The following VRK1 variants were observed in gnomAD, a reference collection of about 807,000 sequenced individuals.
VRK1 encodes the protein serine/threonine-protein kinase VRK1.
VRK1 carries 33 observed loss-of-function variants against 57.1 expected under a neutral mutation model. The observed-to-expected ratio is 0.58, with a 90% confidence interval of 0.44 to 0.77. VRK1 has a LOEUF of 0.77. Among genes scored for constraint, VRK1 ranks in the 30% least tolerant of loss-of-function variants. The pLI is 0.00. For synonymous variants in VRK1, 137 were observed against 147.8 expected (o/e 0.93, Z 0.53); for missense variants, 413 against 477.3 (o/e 0.87, Z 1.25).
At chr14:96,847,391 C>A in intron 5 of VRK1, 47 bp downstream of exon 5, 3 of 1,493,892 alleles carry the variant, frequency 2.0e-6, no homozygotes, top group Non-Finnish European at 2.8e-6. Context: ...TTGCAACATT[C>A]ACTATTTAGT....
intron 11 of VRK1, 21 bp from the exon 12 acceptor site, chr14:96,876,009 C>G (rs1377339466): frequency 2.5e-6 from 4 of 1,610,006 alleles, no homozygotes; most frequent in Non-Finnish European, 3.4e-6. Flanking sequence ...CTCTCTCTCT[C>G]TCTTTAATTT....
At chr14:96,861,874 A>G (rs1222091851) in intron 11 of VRK1, among the ~76,000 whole-genome samples, 1 of 151,822 alleles carries the variant, frequency 6.6e-6, no homozygotes. Context: ...CCTGAGTGGA[A>G]TTTTTTAGTA....
intron 1 of VRK1, among the ~76,000 whole-genome samples, chr14:96,831,280 G>C (rs1013367036): frequency 1.3e-5 from 2 of 152,158 alleles, no homozygotes; most frequent in Non-Finnish European, 2.9e-5. Context: ...CCTCCGTTTG[G>C]TTGGAGAGGT....
intron 11 of VRK1, among the ~76,000 whole-genome samples, chr14:96,861,339 G>A (rs1888382290): frequency 6.6e-6 from 1 of 152,108 alleles, no homozygotes; most frequent in African/African-American, 2.4e-5. Flanking sequence ...TTACAGGTAT[G>A]CATTAACTTA....
chr14:96,823,772 T>G (rs1319665373), intron 1 of VRK1, among the ~76,000 whole-genome samples: 2 of 152,220 alleles, frequency 1.3e-5, no homozygotes, highest in Admixed American at 1.3e-4. Context: ...AACAACTCTC[T>G]TTTCTCCCTC....
intron 11 of VRK1, among the ~76,000 whole-genome samples, chr14:96,870,802 C>G (rs1566718833): frequency 6.6e-6 from 1 of 152,170 alleles, no homozygotes. Context: ...TGTTTCACAG[C>G]TAATCTGCTT....
Position 96,850,609 on chromosome 14 carries a change from A to G in VRK1, c.375-2222A>G, listed in dbSNP as rs112007481. ...GATTTGTGAATAAAAACAAAGACCT[A>G]TGTAACAGAATTTATTAATAGACCC... On this transcript the variant is annotated intron_variant, in intron 5 of 12. Coordinates refer to ENST00000216639, the MANE Select transcript of VRK1 (RefSeq NM_003384.3). 4.3e-3 allele frequency among the ~76,000 whole-genome samples: 656 copies of G among 152,304 alleles called. 3 individuals carry two copies. Among genetic ancestry groups the G allele is most frequent in the African/African-American group, 0.015 (608 of 41,566 alleles).
intron 1 of VRK1, among the ~76,000 whole-genome samples, chr14:96,807,310 C>G (rs1471187084): frequency 6.6e-6 from 1 of 152,202 alleles, no homozygotes; most frequent in Admixed American, 6.5e-5. Context: ...CAGGCTGAAT[C>G]CCTCTTCCAC....
intron 5 of VRK1, among the ~76,000 whole-genome samples, 163 bp downstream of exon 5, chr14:96,847,507 C>T (rs1887756689): frequency 1.3e-5 from 2 of 152,134 alleles, no homozygotes; most frequent in South Asian, 4.1e-4. Flanking sequence ...TATCTCTGTC[C>T]TCTGCTTTCC....
At chr14:96,815,055 A>G (rs1028177577) in intron 1 of VRK1, among the ~76,000 whole-genome samples, 1 of 152,222 alleles carries the variant, frequency 6.6e-6, no homozygotes, top group Non-Finnish European at 1.5e-5. Flanking sequence ...CTTTGTGAGC[A>G]AAAGGGAGTA....
At chr14:96,875,688 AT>A (rs1889000292) in intron 11 of VRK1, among the ~76,000 whole-genome samples, 2 of 152,202 alleles carry the variant, frequency 1.3e-5, no homozygotes, top group Non-Finnish European at 2.9e-5. Flanking sequence ...TTTGTAAAAC[AT>A]TTTGTTTTAA....
chr14:96,859,907 G>A (rs1414175300), intron 10 of VRK1, among the ~76,000 whole-genome samples: 1 of 152,180 alleles, frequency 6.6e-6, no homozygotes, highest in Non-Finnish European at 1.5e-5. Context: ...CAAGTCTGGA[G>A]GTCGGGGGAA....
intron 1 of VRK1, among the ~76,000 whole-genome samples, chr14:96,825,212 G>T (rs1438751426): frequency 6.6e-6 from 1 of 152,112 alleles, no homozygotes; most frequent in Non-Finnish European, 1.5e-5. Flanking sequence ...TGTAGGTGTG[G>T]CTCTTAGAAA....
At chr14:96,852,162 G>A (rs1887976037) in intron 5 of VRK1, among the ~76,000 whole-genome samples, 1 of 152,198 alleles carries the variant, frequency 6.6e-6, no homozygotes, top group Non-Finnish European at 1.5e-5. Context: ...GAAAGGGTGA[G>A]TCCCTGCTCT....
chr14:96,813,224 T>A (rs1172542633), intron 1 of VRK1, among the ~76,000 whole-genome samples: 1 of 152,230 alleles, frequency 6.6e-6, no homozygotes, highest in Non-Finnish European at 1.5e-5. Flanking sequence ...AGTCCAGTGC[T>A]CTTAACACTG....
In VRK1 at chr14:96,849,443, C is replaced by T. The variant is rs562344068; in HGVS notation, c.374+2099C>T. Among the ~76,000 whole-genome samples the T allele has an allele frequency of 1.5e-4, 22 of 149,582 alleles. No homozygotes were observed. In the South Asian group the frequency reaches 3.6e-3, roughly 24 times the overall value. ...CCTCTTTCCATAATTTGAGTATAAA[C>T]GTCTTAAAAAAAAAAAACCAAGCAC... is the stretch of plus-strand genomic sequence containing the variant. On this transcript the variant is annotated intron_variant, in intron 5 of 12. Transcript: ENST00000216639.
intron 3 of VRK1, among the ~76,000 whole-genome samples, chr14:96,845,225 CAATA>C (rs1887634124): frequency 6.6e-6 from 1 of 151,820 alleles, no homozygotes; most frequent in African/African-American, 2.4e-5. Flanking sequence ...TTTTAATTCC[CAATA>C]AATAATGACC....
intron 1 of VRK1, among the ~76,000 whole-genome samples, chr14:96,817,542 T>C (rs1300731392): frequency 6.6e-6 from 1 of 151,844 alleles, no homozygotes; most frequent in Admixed American, 6.5e-5. Flanking sequence ...TGTTATACTT[T>C]ATTTAGTCAC....
At chr14:96,820,131 C>T (rs975045358) in intron 1 of VRK1, among the ~76,000 whole-genome samples, 3 of 127,462 alleles carry the variant, frequency 2.4e-5, no homozygotes, top group Non-Finnish European at 5.1e-5. Context: ...CTTGTTGTTG[C>T]CGATTGTTGT....
Sources: gnomAD v4.1 joint callset for allele counts (sites outside exome capture counted in the v4.1 genomes callset) on GRCh38, gnomAD v4.1.1 for gene constraint, MANE v1.5 for transcripts, NCBI Gene and HGNC (gene_info 2026-07-23, HGNC 2026-07-21) for gene names.